The following MIPOL1 variants were observed in gnomAD, a reference collection of about 807,000 sequenced individuals.
The protein encoded by MIPOL1 is mirror-image polydactyly 1.
In MIPOL1, 57 loss-of-function variants were observed where a neutral mutation model predicts 60.9. The observed-to-expected ratio is 0.94, with a 90% CI of 0.76 to 1.17. The LOEUF is 1.17. Ranked by LOEUF, MIPOL1 falls within the 50% of genes most tolerant of loss-of-function variation. The pLI is 0.00. For missense variants in MIPOL1, 551 were observed against 511.6 expected (o/e 1.08, Z -0.74); for synonymous variants, 179 against 168.8 (o/e 1.06, Z -0.47).
intron 10 of MIPOL1, 109 bp from the exon 11 acceptor site, chr14:37,422,746 G>GT (rs112737768): frequency 0.044 from 23,847 of 536,758 alleles, no homozygotes; most frequent in South Asian, 0.064. Flanking sequence ...ACATTCATAG[G>GT]TTTTTTTTTT....
intron 1 of MIPOL1, among the ~76,000 whole-genome samples, chr14:37,221,356 ATTAAT>A (rs1208335069): frequency 6.6e-6 from 1 of 152,208 alleles, no homozygotes; most frequent in African/African-American, 2.4e-5. Context: ...TGATAATGTT[ATTAAT>A]CCATTCATGA....
At chr14:37,502,950 C>G (rs1238336289) in intron 12 of MIPOL1, 1 of 152,114 alleles carries the variant, frequency 6.6e-6, no homozygotes, top group African/African-American at 2.4e-5. Context: ...AGATGAAAAC[C>G]ATGGCAGGAG....
At chr14:37,216,029 C>T (rs1273797379) in intron 1 of MIPOL1, among the ~76,000 whole-genome samples, 1 of 148,246 alleles carries the variant, frequency 6.7e-6, no homozygotes, top group Non-Finnish European at 1.5e-5. Context: ...TGCCATTGCA[C>T]TCCAGCCTGG....
At chr14:37,384,378 A>AT (rs1193332777) in intron 10 of MIPOL1, among the ~76,000 whole-genome samples, 1 of 67,568 alleles carries the variant, frequency 1.5e-5, no homozygotes, top group Non-Finnish European at 3.0e-5. Context: ...ATCTGAGGAA[A>AT]TTTTGGGAAA....
At chr14:37,524,514 A>G (rs1314725437) in intron 12 of MIPOL1, among the ~76,000 whole-genome samples, 1 of 150,840 alleles carries the variant, frequency 6.6e-6, no homozygotes, top group African/African-American at 2.4e-5. Context: ...TTTCAGTAGT[A>G]TATAAAATAT....
At chr14:37,345,191 C>G (rs1295587022) in intron 9 of MIPOL1, among the ~76,000 whole-genome samples, 1 of 152,110 alleles carries the variant, frequency 6.6e-6, no homozygotes, top group Non-Finnish European at 1.5e-5. Context: ...GCAGCCTTGA[C>G]CTCCTGGATG....
At chr14:37,419,008 A>G (rs1273674702) in intron 10 of MIPOL1, among the ~76,000 whole-genome samples, 1 of 152,152 alleles carries the variant, frequency 6.6e-6, no homozygotes, top group African/African-American at 2.4e-5. Context: ...TTTACCCAAG[A>G]GAAACAAAGT....
chr14:37,345,789 T>A (rs2153465978), intron 9 of MIPOL1, among the ~76,000 whole-genome samples: 1 of 152,336 alleles, frequency 6.6e-6, no homozygotes, highest in South Asian at 2.1e-4. Flanking sequence ...TAAACACTCG[T>A]ATTTTTTAAA....
chr14:37,470,032 A>G (rs2094659911), intron 11 of MIPOL1, among the ~76,000 whole-genome samples: 2 of 152,116 alleles, frequency 1.3e-5, no homozygotes, highest in Admixed American at 1.3e-4. Context: ...GAGGTGAGAG[A>G]TAAATATTAA....
At chr14:37,247,517 T>C (rs1015643768) in intron 2 of MIPOL1, among the ~76,000 whole-genome samples, 3 of 152,202 alleles carry the variant, frequency 2.0e-5, no homozygotes, top group Admixed American at 6.5e-5. Context: ...AAATGTATTT[T>C]TCTTAAATGC....
At chr14:37,416,395 A>G (rs920401343) in intron 10 of MIPOL1, among the ~76,000 whole-genome samples, 1 of 152,122 alleles carries the variant, frequency 6.6e-6, no homozygotes, top group Non-Finnish European at 1.5e-5. Flanking sequence ...TATGGGCATA[A>G]TAGAGTGTAT....
chr14:37,286,364 T>C (rs986158391), intron 7 of MIPOL1, among the ~76,000 whole-genome samples: 1 of 152,196 alleles, frequency 6.6e-6, no homozygotes, highest in Non-Finnish European at 1.5e-5. Flanking sequence ...AGAGTGCAGA[T>C]TCTGGTTCAT....
intron 11 of MIPOL1, among the ~76,000 whole-genome samples, chr14:37,430,102 TTAAC>T (rs1195541191): frequency 6.6e-6 from 1 of 152,132 alleles, no homozygotes; most frequent in East Asian, 1.9e-4. Context: ...TCTCTAATAA[TTAAC>T]TATCTATGGA....
chr14:37,381,413 T>C (rs2092921522), intron 10 of MIPOL1, among the ~76,000 whole-genome samples: 1 of 152,102 alleles, frequency 6.6e-6, no homozygotes, highest in African/African-American at 2.4e-5. Context: ...CAGGTGTCTC[T>C]GATATATTTT....
At chr14:37,268,579 A>G (rs1021962978) in intron 4 of MIPOL1, 79 bp from the exon 5 acceptor site, 2 of 1,075,468 alleles carry the variant, frequency 1.9e-6, no homozygotes, top group African/African-American at 3.3e-5. Flanking sequence ...ACAAGTTGAT[A>G]CTGTTCTCAA....
chr14:37,282,720 C>T (rs762421047), intron 6 of MIPOL1, among the ~76,000 whole-genome samples: 6 of 115,408 alleles, frequency 5.2e-5, no homozygotes, highest in Admixed American at 2.6e-4. Context: ...CTGCACTCAG[C>T]GTGGATGACA....
intron 9 of MIPOL1, among the ~76,000 whole-genome samples, chr14:37,361,799 G>A (rs1461303376): frequency 2.0e-5 from 3 of 151,708 alleles, no homozygotes; most frequent in Non-Finnish European, 4.4e-5. Flanking sequence ...CGTAGAGTCC[G>A]GGTTGCACCA....
At chr14:37,387,015 T>A (rs185613780) in intron 10 of MIPOL1, among the ~76,000 whole-genome samples, 181 of 151,888 alleles carry the variant, frequency 1.2e-3, no homozygotes, top group African/African-American at 4.1e-3. Context: ...ATTCAACAAG[T>A]GTCATTGCAT....
intron 9 of MIPOL1, among the ~76,000 whole-genome samples, chr14:37,314,363 A>G (rs1221318439): frequency 6.6e-6 from 1 of 152,204 alleles, no homozygotes; most frequent in Non-Finnish European, 1.5e-5. Context: ...CTGCAAGCCT[A>G]TACCAAGCAC....
Sources: allele counts gnomAD v4.1 joint callset (sites outside exome capture counted in the v4.1 genomes callset), GRCh38; gene constraint gnomAD v4.1.1; transcripts MANE v1.5; gene names NCBI Gene and HGNC (gene_info 2026-07-23, HGNC 2026-07-21).